Variants in CTNNA2 observed in about 807,000 individuals in gnomAD.
CTNNA2 encodes the protein catenin alpha-2.
CTNNA2 carries 42 observed loss-of-function variants against 101.0 expected under a neutral mutation model. That is an observed-to-expected ratio of 0.42 (90% CI 0.32 to 0.54). The LOEUF is 0.54. CTNNA2 is among the 20% of genes least tolerant of loss of function. CTNNA2 has a pLI of 0.14. For missense variants in CTNNA2, 871 were observed against 1,223.1 expected (o/e 0.71, Z 4.29); for synonymous variants, 450 against 456.4 (o/e 0.99, Z 0.18).
chr2:80,569,633 G>GTTTTTTCTTTTTTTTT (rs1553392642), intron 12 of CTNNA2, among the ~76,000 whole-genome samples: 1 of 51,718 alleles, frequency 1.9e-5, no homozygotes, highest in Non-Finnish European at 3.9e-5. Context: ...GGGTATTTAG[G>GTTTTTTCTTTTTTTTT]TTTTTTTTTT....
intron 7 of CTNNA2, among the ~76,000 whole-genome samples, chr2:80,159,433 A>C (rs957326081): frequency 3.9e-5 from 6 of 152,212 alleles, no homozygotes; most frequent in Non-Finnish European, 1.5e-5. Context: ...TTAAACAAAA[A>C]TTAGCCATTC....
chr2:80,489,556 A>G (rs1485428213), intron 9 of CTNNA2, among the ~76,000 whole-genome samples: 3 of 152,190 alleles, frequency 2.0e-5, no homozygotes, highest in African/African-American at 4.8e-5. Context: ...AGTCCATGTT[A>G]TATAAGGGTG....
chr2:80,535,687 C>A (rs1418357858), intron 9 of CTNNA2, among the ~76,000 whole-genome samples: 1 of 152,106 alleles, frequency 6.6e-6, no homozygotes, highest in African/African-American at 2.4e-5. Flanking sequence ...AAAGTGATTC[C>A]ACTTCCTCCT....
intron 7 of CTNNA2, among the ~76,000 whole-genome samples, chr2:80,338,384 G>T (rs1671943936): frequency 6.7e-6 from 1 of 149,302 alleles, no homozygotes. Flanking sequence ...AAGTCTTTCT[G>T]TGGGAACTCC....
intron 2 of CTNNA2, among the ~76,000 whole-genome samples, chr2:79,670,082 C>T (rs750988930): frequency 3.9e-5 from 6 of 152,134 alleles, no homozygotes; most frequent in Non-Finnish European, 5.9e-5. Context: ...CTGGGGCCCC[C>T]GAGGGTGCAG....
rs551396301 is a variant in CTNNA2 at position 79,549,983 on chromosome 2, C to T, written c.-6+36776C>T. Among the ~76,000 whole-genome samples, 90 of 152,260 alleles carry T rather than the reference C, an allele frequency of 5.9e-4. 1 individual carries two copies. Among genetic ancestry groups the T allele is most frequent in the African/African-American group, 2.1e-3 (87 of 41,564 alleles). On this transcript the variant is annotated intron_variant, in intron 1 of 18. Coordinates refer to ENST00000402739, the MANE Select transcript of CTNNA2 (RefSeq NM_001282597.3). ...TAAGGGCCAGTAAAATAATCACTGG[C>T]TAGATCCGTGGACCTAGTGGACCCA...
Position 79,592,297 on chromosome 2 carries a change from T to A in CTNNA2, c.-5-59255T>A, listed in dbSNP as rs989490307. Among the ~76,000 whole-genome samples the A allele has an allele frequency of 9.9e-5, 15 of 151,858 alleles. No individual in the cohort carries two copies. The South Asian group carries it at 2.9e-3, about 29-fold the overall frequency. ...CACCACGCCCAGCTAATTTTTTTTT[T>A]AATTTTGTATTTTTAGTAGAGATGG... On this transcript the variant is annotated intron_variant, in intron 1 of 18. Transcript: ENST00000402739.
intron 9 of CTNNA2, among the ~76,000 whole-genome samples, chr2:80,468,015 T>C (rs1684996655): frequency 6.6e-6 from 1 of 152,190 alleles, no homozygotes; most frequent in Admixed American, 6.5e-5. Flanking sequence ...CAAATAAGTG[T>C]TCGATTTTTC....
chr2:79,725,944 T>G (rs1056171141), intron 2 of CTNNA2, among the ~76,000 whole-genome samples: 1 of 152,208 alleles, frequency 6.6e-6, no homozygotes, highest in Non-Finnish European at 1.5e-5. Flanking sequence ...GTCTGGGCAT[T>G]TGTCCCTCTG....
intron 9 of CTNNA2, among the ~76,000 whole-genome samples, chr2:80,536,014 T>G (rs563316217): frequency 6.6e-6 from 1 of 152,162 alleles, no homozygotes; most frequent in Non-Finnish European, 1.5e-5. Context: ...GCTGAGCCTG[T>G]TTTTCTACCA....
chr2:79,433,493 C>G (rs956922015), intron 4 of CTNNA2, among the ~76,000 whole-genome samples: 9 of 151,904 alleles, frequency 5.9e-5, no homozygotes. Context: ...AAACACCAGG[C>G]CTAGGGCAAT....
intron 7 of CTNNA2, among the ~76,000 whole-genome samples, chr2:80,272,014 A>G (rs1020292977): frequency 2.6e-5 from 4 of 152,244 alleles, no homozygotes; most frequent in African/African-American, 9.6e-5. Flanking sequence ...TATGAATCAC[A>G]GTGGACCATA....
intron 1 of CTNNA2, among the ~76,000 whole-genome samples, chr2:79,557,695 A>G (rs1210862930): frequency 6.6e-6 from 1 of 151,936 alleles, no homozygotes; most frequent in Non-Finnish European, 1.5e-5. Context: ...GGCATAATCC[A>G]TATGAGCTGA....
chr2:80,420,223 G>T (rs534508650), intron 9 of CTNNA2, among the ~76,000 whole-genome samples: 1 of 152,104 alleles, frequency 6.6e-6, no homozygotes, highest in African/African-American at 2.4e-5. Flanking sequence ...AAAAAATATT[G>T]TACAAAGTAA....
At chr2:79,398,410 A>C (rs1478498683) in intron 4 of CTNNA2, among the ~76,000 whole-genome samples, 1 of 152,114 alleles carries the variant, frequency 6.6e-6, no homozygotes, top group Non-Finnish European at 1.5e-5. Context: ...TTTAAAAGTA[A>C]CTCATGCCTA....
chr2:80,574,826 A>G (rs1315184566), intron 13 of CTNNA2, among the ~76,000 whole-genome samples: 2 of 152,132 alleles, frequency 1.3e-5, no homozygotes, highest in Admixed American at 6.6e-5. Flanking sequence ...TACCCACTCC[A>G]CTATCTTCCC....
rs775874754 is a variant in CTNNA2, at chr2:80,177,123, G to T, written c.1057-216088G>T. Among the ~76,000 whole-genome samples, 56 of 152,264 alleles carry T rather than the reference G, an allele frequency of 3.7e-4. 2 individuals are homozygous for T. Among genetic ancestry groups the T allele is most frequent in the Admixed American group, 9.8e-4 (15 of 15,292 alleles). On this transcript the variant is annotated intron_variant, in intron 7 of 18. Coordinates refer to ENST00000402739, the MANE Select transcript of CTNNA2 (RefSeq NM_001282597.3). ...ATTCTATCAGTCCAGCTGCTTTAGG[G>T]TGATGGGGAACATGGTGAGACCAGT... is the stretch of plus-strand genomic sequence containing the variant.
At chr2:79,373,866 A>C (rs1338485731) in exon 4 of CTNNA2, 1 of 152,156 alleles carries the variant, frequency 6.6e-6, no homozygotes, top group Non-Finnish European at 1.5e-5. Context: ...TTAAGCAGCC[A>C]GCCTGGAGTC....
At chr2:79,443,825 C>T (rs748869708) in intron 4 of CTNNA2, among the ~76,000 whole-genome samples, 2 of 151,576 alleles carry the variant, frequency 1.3e-5, no homozygotes, top group South Asian at 4.2e-4. Flanking sequence ...CCCTTAAGTA[C>T]CAAAGAAGGG....
Sources: allele counts gnomAD v4.1 joint callset (sites outside exome capture counted in the v4.1 genomes callset), GRCh38; gene constraint gnomAD v4.1.1; transcripts MANE v1.5; gene names NCBI Gene and HGNC (gene_info 2026-07-23, HGNC 2026-07-21).